TLL1: variants seen among roughly 807,000 people sequenced by gnomAD.
TLL1 encodes the protein tolloid-like protein 1.
Under a neutral mutation model 128.2 loss-of-function variants are expected in TLL1, and 49 were observed. That is an observed-to-expected ratio of 0.38 (90% confidence interval 0.30 to 0.48). The LOEUF (loss-of-function observed/expected upper bound fraction) is 0.48, where lower values mean the gene tolerates loss of function less well. Among genes scored for constraint, TLL1 ranks in the 20% least tolerant of loss-of-function variants. The probability of loss-of-function intolerance (pLI) is 0.96; values close to 1 mark genes in which losing one functional copy is unlikely to be tolerated. For missense variants in TLL1, 1,123 were observed against 1,242.0 expected, an observed-to-expected ratio of 0.90 and a Z score of 1.44; for synonymous variants, 454 against 418.8, an observed-to-expected ratio of 1.08 and a Z score of -1.03.
chr4:166,072,361 T>C (rs1366219616), intron 16 of TLL1, among the ~76,000 whole-genome samples: 1 of 151,890 alleles, frequency 6.6e-6, no homozygotes, highest in Non-Finnish European at 1.5e-5. Context: ...CTTCCCTTTC[T>C]TATACTTGTT....
At position 165,873,884 on chromosome 4, in the gene TLL1, C is replaced by A. The variant is rs766555728; in HGVS notation, c.-21C>A. 6.2e-7 allele frequency: 1 copy of A among 1,613,286 alleles called. No homozygotes were observed. The highest frequency in any genetic ancestry group is 8.5e-7 in the Non-Finnish European group (1 of 1,179,990). On this transcript the variant is annotated 5_prime_UTR_variant, in exon 1 of 21. Coordinates refer to ENST00000061240, the MANE Select transcript of TLL1 (RefSeq NM_012464.5). ...CCTAACCTCTGGGTCCCGTCCCCTC[C>A]TTTTCCTCCGGGGGAGGAGGATGGG... is the stretch of plus-strand genomic sequence containing the variant.
At chr4:165,937,492 C>A (rs1733817795) in intron 1 of TLL1, among the ~76,000 whole-genome samples, 1 of 152,102 alleles carries the variant, frequency 6.6e-6, no homozygotes, top group Non-Finnish European at 1.5e-5. Flanking sequence ...ACATCTATTA[C>A]CTACTACTTT....
At chr4:165,989,555 T>G (rs1043820918) in intron 2 of TLL1, 64 bp downstream of exon 2, 8 of 1,209,308 alleles carry the variant, frequency 6.6e-6, no homozygotes, top group Non-Finnish European at 9.8e-6. Context: ...TGAAGTGCTA[T>G]AAATATTTTT....
intron 12 of TLL1, among the ~76,000 whole-genome samples, chr4:166,050,355 G>A (rs1400485153): frequency 6.6e-5 from 10 of 152,068 alleles, no homozygotes; most frequent in Non-Finnish European, 1.3e-4. Context: ...CAATGAACCT[G>A]TGGATTGCTT....
chr4:165,895,233 ACTGT>A (rs1365998348), intron 1 of TLL1, among the ~76,000 whole-genome samples: 1 of 152,108 alleles, frequency 6.6e-6, no homozygotes, highest in African/African-American at 2.4e-5. Context: ...AGTCAGTGTG[ACTGT>A]CTATGTGGAA....
intron 1 of TLL1, among the ~76,000 whole-genome samples, chr4:165,971,659 C>G (rs1000265383): frequency 6.6e-6 from 1 of 152,322 alleles, no homozygotes; most frequent in Admixed American, 6.5e-5. Flanking sequence ...CTCAGTGCGT[C>G]ACTGGGAGAG....
intron 1 of TLL1, among the ~76,000 whole-genome samples, chr4:165,940,867 G>A (rs905854598): frequency 1.3e-5 from 2 of 152,000 alleles, no homozygotes; most frequent in Non-Finnish European, 2.9e-5. Flanking sequence ...CATTTGATAA[G>A]CCTTCACCAT....
chr4:166,040,367 A>G (rs528880050), intron 10 of TLL1, among the ~76,000 whole-genome samples: 1 of 152,304 alleles, frequency 6.6e-6, no homozygotes, highest in African/African-American at 2.4e-5. Flanking sequence ...TTCCATATTT[A>G]GTTTCTTAGC....
At chr4:166,062,370 TG>T (rs1286977273) in intron 15 of TLL1, among the ~76,000 whole-genome samples, 11 of 152,218 alleles carry the variant, frequency 7.2e-5, no homozygotes, top group Non-Finnish European at 1.5e-5. Flanking sequence ...TTCTTCCATT[TG>T]TTTGTGTCTT....
At chr4:165,876,853 C>T (rs902515172) in intron 1 of TLL1, among the ~76,000 whole-genome samples, 4 of 152,094 alleles carry the variant, frequency 2.6e-5, no homozygotes, top group African/African-American at 7.2e-5. Flanking sequence ...ACTAGAGATG[C>T]GATTGCTTGC....
chr4:165,877,703 C>G (rs1379231563), intron 1 of TLL1, among the ~76,000 whole-genome samples: 1 of 152,044 alleles, frequency 6.6e-6, no homozygotes, highest in African/African-American at 2.4e-5. Context: ...CCTTCCTTCT[C>G]TTCTCTCCTT....
chr4:165,883,321 T>A (rs2110815364), intron 1 of TLL1, among the ~76,000 whole-genome samples: 1 of 152,246 alleles, frequency 6.6e-6, no homozygotes. Context: ...TTTTTTTATG[T>A]GGGTACTTTT....
intron 6 of TLL1, 80 bp from the exon 7 acceptor site, chr4:166,007,863 T>C: frequency 1.2e-6 from 1 of 857,326 alleles, no homozygotes; most frequent in Non-Finnish European, 2.0e-6. Flanking sequence ...AAAGAACAGA[T>C]GCAGGTGTAG....
chr4:165,997,847 G>A (rs1315043392), intron 5 of TLL1, among the ~76,000 whole-genome samples: 7 of 152,168 alleles, frequency 4.6e-5, no homozygotes. Flanking sequence ...ATAGGCACAT[G>A]CATGTTTCTA....
chr4:166,065,841 C>A lies in TLL1; in HGVS notation c.2166C>A (p.Gly722=), dbSNP rs775239666. 1.9e-6 allele frequency: 3 copies of A among 1,612,702 alleles called. No homozygotes were observed. Among genetic ancestry groups the A allele is most frequent in the Non-Finnish European group, 1.7e-6 (2 of 1,179,118 alleles). ...FKSDNTVSKK[G]FKAHFFSDKD... ...CTGACAATACTGTATCCAAGAAGGG[C>A]TTCAAAGCACATTTTTTCTCAGGTA... is the stretch of plus-strand genomic sequence containing the variant. The change falls in exon 16 of 21, where the codon GGC becomes GGA. Residue 722 remains glycine (G), a synonymous_variant. Coordinates refer to ENST00000061240, the MANE Select transcript of TLL1 (RefSeq NM_012464.5).
chr4:165,925,829 A>G (rs1733245276), intron 1 of TLL1, among the ~76,000 whole-genome samples: 1 of 152,220 alleles, frequency 6.6e-6, no homozygotes, highest in African/African-American at 2.4e-5. Flanking sequence ...CACCACCTTG[A>G]TTAGTCAGCA....
intron 1 of TLL1, among the ~76,000 whole-genome samples, chr4:165,896,703 TTGATCTCCTGACCTCA>T (rs1731697903): frequency 6.6e-6 from 1 of 152,112 alleles, no homozygotes; most frequent in Non-Finnish European, 1.5e-5. Flanking sequence ...CAGGATAGTC[TTGATCTCCTGACCTCA>T]TGATCTGCCC....
intron 8 of TLL1, among the ~76,000 whole-genome samples, chr4:166,024,373 A>G (rs1738391302): frequency 6.6e-6 from 1 of 152,244 alleles, no homozygotes; most frequent in South Asian, 2.1e-4. Context: ...AGGCCTTGTA[A>G]TATGATAATA....
intron 1 of TLL1, among the ~76,000 whole-genome samples, chr4:165,957,395 T>G (rs573959676): frequency 6.6e-6 from 1 of 152,100 alleles, no homozygotes; most frequent in South Asian, 2.1e-4. Flanking sequence ...CACACAATAA[T>G]AGTGGGGGAA....
Sources: allele counts gnomAD v4.1 joint callset (sites outside exome capture counted in the v4.1 genomes callset), GRCh38; gene constraint gnomAD v4.1.1; transcripts MANE v1.5; gene names NCBI Gene and HGNC (gene_info 2026-07-23, HGNC 2026-07-21).